Variants in SNTG1 observed in about 807,000 individuals in gnomAD.
SNTG1 encodes syntrophin gamma 1, also known as gamma-1-syntrophin.
A neutral mutation model predicts 74.7 loss-of-function variants in SNTG1; 39 were observed. The observed-to-expected ratio is 0.52, with a 90% CI of 0.40 to 0.68. The LOEUF (loss-of-function observed/expected upper bound fraction) is 0.68. Ranked by LOEUF, SNTG1 falls within the 30% of genes least tolerant of loss-of-function variation. The pLI is 0.00. For synonymous variants in SNTG1, 254 were observed against 217.1 expected (o/e 1.17, Z -1.49); for missense variants, 685 against 609.5 (o/e 1.12, Z -1.30).
chr8:49,957,009 A>G (rs1475692779), intron 1 of SNTG1, among the ~76,000 whole-genome samples: 1 of 152,196 alleles, frequency 6.6e-6, no homozygotes, highest in East Asian at 1.9e-4. Context: ...AGGGTGAGGG[A>G]AATGGAGGGA....
chr8:50,300,383 G>A (rs2089594886), intron 2 of SNTG1, among the ~76,000 whole-genome samples: 1 of 152,140 alleles, frequency 6.6e-6, no homozygotes, highest in African/African-American at 2.4e-5. Context: ...GACTGTCCCA[G>A]AGTCCTGGAA....
intron 1 of SNTG1, among the ~76,000 whole-genome samples, chr8:49,946,205 A>G (rs1809172289): frequency 6.6e-6 from 1 of 152,152 alleles, no homozygotes; most frequent in Non-Finnish European, 1.5e-5. Context: ...TACTGTCAGC[A>G]TTCTTTTTCT....
intron 2 of SNTG1, among the ~76,000 whole-genome samples, chr8:50,264,735 G>A (rs969111541): frequency 2.6e-5 from 4 of 151,712 alleles, no homozygotes; most frequent in East Asian, 3.9e-4. Context: ...AAACACCTGC[G>A]AAATTATAAA....
intron 2 of SNTG1, among the ~76,000 whole-genome samples, chr8:50,216,392 A>G (rs2084794202): frequency 6.6e-6 from 1 of 152,262 alleles, no homozygotes; most frequent in Non-Finnish European, 1.5e-5. Flanking sequence ...ACATTGCTGA[A>G]GGAAAGAAGT....
chr8:50,074,431 G>C (rs1258698980), intron 1 of SNTG1, among the ~76,000 whole-genome samples: 1 of 152,168 alleles, frequency 6.6e-6, no homozygotes, highest in Non-Finnish European at 1.5e-5. Flanking sequence ...CAACTGTAGA[G>C]TTACTAACTT....
At chr8:50,153,752 G>A (rs1199464375) in intron 1 of SNTG1, among the ~76,000 whole-genome samples, 5 of 152,168 alleles carry the variant, frequency 3.3e-5, no homozygotes, top group Non-Finnish European at 5.9e-5. Flanking sequence ...CTGCCAGATC[G>A]TTCCTCTGGA....
rs1447113404 is a variant in SNTG1 at position 50,381,590 on chromosome 8, GTGTA to G, written c.-27-12620_-27-12617del. Among the ~76,000 whole-genome samples, 194 of 132,048 alleles carry G rather than the reference GTGTA, an allele frequency of 1.5e-3. 7 individuals are homozygous for G. Among genetic ancestry groups the G allele is most frequent in the South Asian group, 5.9e-3 (25 of 4,226 alleles). 86.6% of individuals were successfully genotyped at this position (132,048 alleles called of 152,430 possible). Reference sequence around the variant, plus strand: ...TGTGTGTGTGTGTGTGTGTGTGTGTGTGTATATATATATATATCTCCTATTAGTT... The same window carrying G: ...TGTGTGTGTGTGTGTGTGTGTGTGTGTATATATATATATCTCCTATTAGTT... On this transcript the variant is annotated intron_variant, in intron 2 of 18. Coordinates refer to ENST00000642720, the MANE Select transcript of SNTG1 (RefSeq NM_018967.5).
chr8:50,424,608 C>T (rs745675442), intron 4 of SNTG1, among the ~76,000 whole-genome samples: 4 of 152,082 alleles, frequency 2.6e-5, no homozygotes, highest in South Asian at 4.1e-4. Context: ...CTGTGTAGCA[C>T]ACAACAAACT....
At chr8:50,264,969 A>G (rs1369603933) in intron 2 of SNTG1, among the ~76,000 whole-genome samples, 1 of 152,174 alleles carries the variant, frequency 6.6e-6, no homozygotes, top group Non-Finnish European at 1.5e-5. Flanking sequence ...TAAATAATAA[A>G]GAGTTGAACC....
At chr8:50,701,693 CCTTCCT>C (rs2095425356) in intron 15 of SNTG1, among the ~76,000 whole-genome samples, 1 of 142,590 alleles carries the variant, frequency 7.0e-6, no homozygotes, top group African/African-American at 2.8e-5. Context: ...TTCTTCTTTG[CCTTCCT>C]CTTCCTCTTC....
At chr8:50,015,361 A>G (rs1359690043) in intron 1 of SNTG1, among the ~76,000 whole-genome samples, 2 of 152,006 alleles carry the variant, frequency 1.3e-5, no homozygotes, top group African/African-American at 2.4e-5. Flanking sequence ...AAGAGAGTGG[A>G]AAAACAATGA....
chr8:50,760,470 G>T (rs2095595192), intron 18 of SNTG1, among the ~76,000 whole-genome samples: 1 of 151,958 alleles, frequency 6.6e-6, no homozygotes, highest in African/African-American at 2.4e-5. Context: ...GATATTGGTT[G>T]TGGGTTTGTC....
intron 8 of SNTG1, among the ~76,000 whole-genome samples, chr8:50,501,375 T>C (rs2129671304): frequency 6.6e-6 from 1 of 150,840 alleles, no homozygotes; most frequent in Non-Finnish European, 1.5e-5. Context: ...TTTTCTTCAG[T>C]GTTTACAGTT....
At chr8:50,780,956 T>TA (rs2095657581) in intron 18 of SNTG1, among the ~76,000 whole-genome samples, 1 of 152,222 alleles carries the variant, frequency 6.6e-6, no homozygotes, top group Non-Finnish European at 1.5e-5. Context: ...TTTATTTCAT[T>TA]ACGTACCGAG....
At chr8:50,523,133 C>T (rs763997549) in intron 9 of SNTG1, among the ~76,000 whole-genome samples, 1 of 152,050 alleles carries the variant, frequency 6.6e-6, no homozygotes, top group Non-Finnish European at 1.5e-5. Context: ...CCTTCCTCAC[C>T]TCTCAGCCTT....
chr8:50,358,214 G>C (rs1251215882), intron 2 of SNTG1, among the ~76,000 whole-genome samples: 2 of 152,126 alleles, frequency 1.3e-5, no homozygotes, highest in Non-Finnish European at 2.9e-5. Flanking sequence ...CGGAGTGAAA[G>C]GTAAAGAAAC....
At chr8:50,137,897 C>T (rs2081527702) in intron 1 of SNTG1, among the ~76,000 whole-genome samples, 1 of 152,098 alleles carries the variant, frequency 6.6e-6, no homozygotes, top group African/African-American at 2.4e-5. Context: ...AGTGACTCCT[C>T]AAGACAGGAT....
At chr8:50,457,632 C>T (rs1587692534) in intron 8 of SNTG1, among the ~76,000 whole-genome samples, 4 of 152,188 alleles carry the variant, frequency 2.6e-5, no homozygotes, top group East Asian at 3.9e-4. Context: ...TTGTTGGTAA[C>T]TTTATTTAAG....
intron 2 of SNTG1, among the ~76,000 whole-genome samples, chr8:50,391,470 T>A (rs2092659080): frequency 6.6e-6 from 1 of 152,216 alleles, no homozygotes; most frequent in African/African-American, 2.4e-5. Context: ...GGATTCAATT[T>A]GCCAGCATTT....
Sources: gnomAD v4.1 joint callset for allele counts (sites outside exome capture counted in the v4.1 genomes callset) on GRCh38, gnomAD v4.1.1 for gene constraint, MANE v1.5 for transcripts, NCBI Gene and HGNC (gene_info 2026-07-23, HGNC 2026-07-21) for gene names.